The following PLEC variants were observed in gnomAD, a reference collection of about 807,000 sequenced individuals.
PLEC encodes the protein plectin.
A neutral mutation model predicts 392.8 loss-of-function variants in PLEC; 216 were observed. The ratio of observed to expected loss-of-function variants is 0.55; its 90% CI spans 0.49 to 0.62. The LOEUF is 0.62. Among genes scored for constraint, PLEC ranks in the 20% least tolerant of loss-of-function variants. The probability of loss-of-function intolerance (pLI) is 0.00; values close to 1 mark genes in which losing one functional copy is unlikely to be tolerated. For missense variants in PLEC, 6,863 were observed against 6,563.4 expected (o/e 1.05, Z -1.58); for synonymous variants, 3,621 against 2,980.6 (o/e 1.21, Z -7.00).
Position 143,969,210 on chromosome 8 carries a change from G to A in PLEC, c.70+4193C>T, listed in dbSNP as rs558754011. On this transcript the variant is annotated intron_variant, in intron 1 of 31. Transcript: ENST00000356346. This position sits in a 1 kb window ranked among gnomAD's most constrained non-coding sequence, Gnocchi z 5.1. ...TGAGGTGCTGATGGCGCGGCGATGTGAGCAGCCCTGACAGCGTCCCGGCAA... is the reference window on the plus strand; with the variant it reads ...TGAGGTGCTGATGGCGCGGCGATGTAAGCAGCCCTGACAGCGTCCCGGCAA... Among the ~76,000 whole-genome samples the A allele has an allele frequency of 6.6e-6, 1 of 152,212 alleles. No homozygotes were observed. Among genetic ancestry groups the A allele is most frequent in the Admixed American group, 6.5e-5 (1 of 15,286 alleles).
intron 30 of PLEC, among the ~76,000 whole-genome samples, chr8:143,926,272 G>A (rs530742288): frequency 4.9e-4 from 74 of 152,300 alleles, no homozygotes; most frequent in African/African-American, 1.7e-3. Flanking sequence ...CCCTCTCCCC[G>A]ACCAGGGTGG....
chr8:143,925,109 C>G lies in PLEC; in HGVS notation c.4820G>C (p.Arg1607Pro). The change falls in exon 31 of 32, where the codon CGG becomes CCG. Residue 1607 changes from arginine to proline, a missense_variant. Physicochemically the swap from Arg to Pro is moderately radical, Grantham distance 103. Transcript: ENST00000345136. Reference protein sequence around the residue: ...QEEHVAVAQLREEAERRAQQQ... With the variant: ...QEEHVAVAQLPEEAERRAQQQ... ...CTGTGCCCGCCGCTCAGCCTCCTCCCGCAGCTGTGCCACAGCCACGTGTTC... is the reference window on the plus strand; with the variant it reads ...CTGTGCCCGCCGCTCAGCCTCCTCCGGCAGCTGTGCCACAGCCACGTGTTC... 6.4e-7 allele frequency: 1 copy of G among 1,553,900 alleles called. No individual in the cohort carries two copies. Among genetic ancestry groups the G allele is most frequent in the Non-Finnish European group, 8.6e-7 (1 of 1,157,734 alleles).
At position 143,926,776 on chromosome 8, in the gene PLEC, G is replaced by T; in HGVS notation, c.4044+8C>A. On this transcript the variant is annotated splice_region_variant and intron_variant, in intron 30 of 31. Transcript: ENST00000345136. Reference sequence around the variant, plus strand: ...CCCTCTGCCCAGCCTCCGCCCAACGGGCTGTACCTCCTCCTCCTCCATGCG... The same window carrying T: ...CCCTCTGCCCAGCCTCCGCCCAACGTGCTGTACCTCCTCCTCCTCCATGCG... 6.2e-7 allele frequency: 1 copy of T among 1,609,654 alleles called. No individual in the cohort carries two copies. The highest frequency in any genetic ancestry group is 8.5e-7 in the Non-Finnish European group (1 of 1,176,362).
At chr8:143,938,839 G>T in intron 1 of PLEC, 147 bp from the exon 2 acceptor site, 1 of 742,048 alleles carries the variant, frequency 1.3e-6, no homozygotes, top group East Asian at 2.6e-5. Flanking sequence ...TGAGACCCAG[G>T]CGCCCTCACC....
upstream of PLEC, chr8:143,939,672 GGCC>G (rs1398140415): frequency 7.9e-6 from 11 of 1,398,382 alleles, no homozygotes; most frequent in Non-Finnish European, 9.3e-6. Flanking sequence ...ACCCTGCCCA[GGCC>G]GCCGCCAGGG....
At chr8:143,951,050 G>C (rs569674473), upstream of PLEC, among the ~76,000 whole-genome samples, 36 of 152,334 alleles carry the variant, frequency 2.4e-4, no homozygotes, top group South Asian at 7.5e-3. Flanking sequence ...AGAGGCAGCG[G>C]CCACCCCCAC....
In PLEC at chr8:143,925,543, C is replaced by T. The variant is rs868985645; in HGVS notation, c.4386G>A (p.Glu1462=). 4 of 1,594,456 alleles carry T rather than the reference C, an allele frequency of 2.5e-6. No individual in the cohort carries two copies. The Middle Eastern group carries it at 6.6e-4, about 265-fold the overall frequency. Residue 1462 remains glutamate, a synonymous_variant, in exon 31 of 32, where the codon GAG becomes GAA. Coordinates refer to ENST00000345136, the MANE Select transcript of PLEC (RefSeq NM_201384.3). Reference sequence around the variant, plus strand: ...CCCCGCCACGCTGGCGCTCGGTGGCCTCCAACTGCAGGCGCACCACGCGGA... The same window carrying T: ...CCCCGCCACGCTGGCGCTCGGTGGCTTCCAACTGCAGGCGCACCACGCGGA... The part of the protein sequence containing the change: ...EEIRVVRLQL[E]ATERQRGGAE...
chr8:143,925,903 GAAGAA>G lies in PLEC; in HGVS notation c.4045-24_4045-20del. On this transcript the variant is annotated intron_variant, in intron 30 of 31. Coordinates refer to ENST00000345136, the MANE Select transcript of PLEC (RefSeq NM_201384.3). ...CCAGCCTCTGTGGCCACAGCAGAGA[GAAGAA>G]GAGAAGCAGAGAGAGTGTGAACACG... The G allele has an allele frequency of 6.5e-7, 1 of 1,536,486 alleles. No homozygotes were observed. The highest frequency in any genetic ancestry group is 8.7e-7 in the Non-Finnish European group (1 of 1,147,188).
Position 143,922,116 on chromosome 8 carries a change from T to A in PLEC, c.7705A>T (p.Lys2569Ter). 6.5e-7 allele frequency: 1 copy of A among 1,547,652 alleles called. No individual in the cohort carries two copies. The highest frequency in any genetic ancestry group is 8.7e-7 in the Non-Finnish European group (1 of 1,153,032). The change falls in exon 32 of 32, where the codon AAG becomes TAG. Residue 2569 changes from lysine (K) to a stop codon, truncating the protein, a stop_gained. Coordinates refer to ENST00000345136, the MANE Select transcript of PLEC (RefSeq NM_201384.3). LOFTEE classifies it low-confidence loss of function (END_TRUNC). Reference sequence around the variant, plus strand: ...TCCAGCTGCTGCAGCTCCTCCTGCTTGCGCCGCACGCCCTCCTCGGCCTCA... The same window carrying A: ...TCCAGCTGCTGCAGCTCCTCCTGCTAGCGCCGCACGCCCTCCTCGGCCTCA... ...QHEAEEGVRR[K>*]QEELQQLEQQ...
At chr8:143,971,397 T>C (rs1026496146) in intron 1 of PLEC, among the ~76,000 whole-genome samples, 1 of 152,054 alleles carries the variant, frequency 6.6e-6, no homozygotes. Flanking sequence ...TGGAGGGATT[T>C]GGGGCTGCCT....
At chr8:143,931,881 G>A in intron 18 of PLEC, 56 bp downstream of exon 18, 23 of 1,507,696 alleles carry the variant, frequency 1.5e-5, no homozygotes, top group Non-Finnish European at 2.1e-5. Context: ...AGGGGGTCCA[G>A]GGGCTCCTGC....
upstream of PLEC, among the ~76,000 whole-genome samples, chr8:143,955,627 TCTCA>T (rs1197408009): frequency 2.0e-5 from 3 of 152,122 alleles, no homozygotes; most frequent in Non-Finnish European, 4.4e-5. Context: ...TGAGACAAGG[TCTCA>T]CTCTGTCACC....
In PLEC at chr8:143,930,070, G is replaced by A. The variant is rs376936955; in HGVS notation, c.2613-8C>T. 64 of 1,609,448 alleles carry A rather than the reference G, an allele frequency of 4.0e-5. No homozygotes were observed. Among genetic ancestry groups the A allele is most frequent in the South Asian group, 3.6e-4 (33 of 91,048 alleles). ...TGGTGCTGGGCCTCCAGCCTGGCAG[G>A]TCAGGGCTACAGTCAGCGTCACCAG... On this transcript the variant is annotated splice_polypyrimidine_tract_variant and splice_region_variant and intron_variant, in intron 21 of 31. Transcript: ENST00000345136.
chr8:143,934,142 C>T (rs1554720331), intron 11 of PLEC, 51 bp from the exon 12 acceptor site: 3 of 1,598,736 alleles, frequency 1.9e-6, no homozygotes, highest in East Asian at 2.3e-5. Flanking sequence ...CCGGCACAGC[C>T]CTGGCCACAG....
intron 27 of PLEC, 23 bp from the exon 28 acceptor site, chr8:143,927,358 C>G (rs1825596126): frequency 6.2e-7 from 1 of 1,611,684 alleles, no homozygotes; most frequent in African/African-American, 1.3e-5. Context: ...GTGGTCAGAG[C>G]CGTGGCCGCA....
chr8:143,931,957 C>T lies in PLEC; in HGVS notation c.2158G>A (p.Glu720Lys). Reference sequence around the variant, plus strand: ...CTCACCTGAAAGTAGGCAGCGTTCTCCTTCAGGTGTGCCTCGATACAGCAG... The same window carrying T: ...CTCACCTGAAAGTAGGCAGCGTTCTTCTTCAGGTGTGCCTCGATACAGCAG... ...LCCCIEAHLK[E>K]NAAYFQFFSD... Residue 720 changes from glutamate (E) to lysine (K), a missense_variant, in exon 18 of 32, where the codon GAG (glutamate) becomes AAG (lysine). Glu to Lys is a moderately conservative substitution (Grantham distance 56, BLOSUM62 1). Transcript: ENST00000345136. 1.2e-6 allele frequency: 2 copies of T among 1,607,246 alleles called. No homozygotes were observed. The highest frequency in any genetic ancestry group is 1.7e-6 in the Non-Finnish European group (2 of 1,178,122).
In PLEC at chr8:143,932,161, C is replaced by T. The variant is rs1290657834; in HGVS notation, c.2051G>A (p.Arg684Gln). ...CGTGGGCCGGGCCGGGTGGTCCTCC[C>T]GCAGCAGCCGGTCCCCAGCATTTTG... ...ELQNAGDRLL[R>Q]EDHPARPTVE... The change falls in exon 17 of 32, where the codon CGG becomes CAG. Residue 684 changes from arginine to glutamine, a missense_variant. Arg to Gln is a conservative substitution (Grantham distance 43). Coordinates refer to ENST00000345136, the MANE Select transcript of PLEC (RefSeq NM_201384.3). 9.9e-6 allele frequency: 16 copies of T among 1,611,828 alleles called. No individual in the cohort carries two copies. Among genetic ancestry groups the T allele is most frequent in the African/African-American group, 5.3e-5 (4 of 74,896 alleles).
intron 1 of PLEC, chr8:143,946,252 C>G (rs1459941197): frequency 1.1e-6 from 1 of 907,082 alleles, no homozygotes; most frequent in East Asian, 6.3e-5. Context: ...CCAGGTCTGA[C>G]GGCACAGAAC....
rs1272816923 is a variant in PLEC at position 143,935,771 on chromosome 8, A to G, written c.602+77T>C. The G allele has an allele frequency of 2.0e-6, 3 of 1,506,392 alleles. No homozygotes were observed. In the East Asian group the frequency reaches 6.9e-5, roughly 35 times the overall value. 93.3% of individuals were successfully genotyped at this position (1,506,392 alleles called of 1,614,324 possible). A position where few individuals can be genotyped will look rare whatever the true frequency, so the allele number is the denominator to read the frequency against. On this transcript the variant is annotated intron_variant, in intron 6 of 31. Transcript: ENST00000345136. ...TCCTCCTGCCCTCCTCCCTGCCCCA[A>G]CGTGTCTGAAGTTGCCTAGTGGAGG...
Sources: gnomAD v4.1 joint callset for allele counts (sites outside exome capture counted in the v4.1 genomes callset) on GRCh38, gnomAD v4.1.1 for gene constraint, Gnocchi (gnomAD v3.1) non-coding constraint, MANE v1.5 for transcripts, NCBI Gene and HGNC (gene_info 2026-07-23, HGNC 2026-07-21) for gene names.